PPP2R2C: variants seen among roughly 807,000 people sequenced by gnomAD.
The protein encoded by PPP2R2C is protein phosphatase 2 regulatory subunit Bgamma, also known as protein phosphatase 2, regulatory subunit B, gamma.
PPP2R2C carries 10 observed loss-of-function variants against 45.3 expected under a neutral mutation model. That is an observed-to-expected ratio of 0.22 (90% CI 0.14 to 0.37). The LOEUF (loss-of-function observed/expected upper bound fraction) is 0.37. Ranked by LOEUF, PPP2R2C falls within the 10% of genes least tolerant of loss-of-function variation. The probability of loss-of-function intolerance (pLI) is 1.00; values close to 1 mark genes in which losing one functional copy is unlikely to be tolerated. For missense variants in PPP2R2C, 308 were observed against 619.7 expected (o/e 0.50, Z 5.34); for synonymous variants, 257 against 245.4 (o/e 1.05, Z -0.44).
intron 1 of PPP2R2C, among the ~76,000 whole-genome samples, chr4:6,408,061 T>TGC (rs1366575688): frequency 4.0e-4 from 61 of 152,372 alleles, no homozygotes; most frequent in African/African-American, 1.3e-3. Context: ...TCTTTTTACG[T>TGC]GCATAACCTG....
At chr4:6,390,843 T>C (rs552922040) in intron 1 of PPP2R2C, among the ~76,000 whole-genome samples, 9 of 152,282 alleles carry the variant, frequency 5.9e-5, no homozygotes, top group African/African-American at 2.2e-4. Flanking sequence ...GATCACCTTA[T>C]TACTGAATTC....
rs1370161280 is a variant in PPP2R2C, at chr4:6,328,458, T to C, written c.1052+804A>G. Among the ~76,000 whole-genome samples the C allele has an allele frequency of 1.3e-5, 2 of 152,092 alleles. No homozygotes were observed. The highest frequency in any genetic ancestry group is 4.8e-5 in the African/African-American group (2 of 41,412). ...GAGTAGGCTTGTCCATTTCAGAATC[T>C]TACGCCTGGCAGGACCCTGAGCACA... is the stretch of plus-strand genomic sequence containing the variant. On this transcript the variant is annotated intron_variant, in intron 8 of 8. Transcript: ENST00000382599. The surrounding 1 kb of genome is among the most constrained non-coding windows in gnomAD (Gnocchi z 4.4).
chr4:6,366,154 A>G (rs1162413907), intron 5 of PPP2R2C, among the ~76,000 whole-genome samples: 3 of 152,244 alleles, frequency 2.0e-5, no homozygotes, highest in Admixed American at 2.0e-4. Context: ...CTGGGCTCCA[A>G]TTAGGCACCA....
intron 2 of PPP2R2C, among the ~76,000 whole-genome samples, chr4:6,512,140 A>C (rs1174155543): frequency 8.7e-5 from 1 of 11,446 alleles, no homozygotes; most frequent in Non-Finnish European, 1.6e-4. Flanking sequence ...GGTGGTGATT[A>C]TGGTGGTAGT....
chr4:6,484,018 C>T (rs1463985322), intron 2 of PPP2R2C, among the ~76,000 whole-genome samples: 1 of 152,002 alleles, frequency 6.6e-6, no homozygotes, highest in Non-Finnish European at 1.5e-5. Context: ...TAGCAGAGTT[C>T]TATCATTACA....
At chr4:6,540,790 T>C (rs1724782760) in intron 1 of PPP2R2C, among the ~76,000 whole-genome samples, 1 of 152,204 alleles carries the variant, frequency 6.6e-6, no homozygotes, top group Admixed American at 6.5e-5. Flanking sequence ...TGGGGATACA[T>C]GGGAAGAAAG....
chr4:6,525,261 C>A (rs894981833), intron 2 of PPP2R2C, among the ~76,000 whole-genome samples: 1 of 151,768 alleles, frequency 6.6e-6, no homozygotes. Context: ...AAAAATTAGC[C>A]GGGCATGGTG....
rs368043919 is a variant in PPP2R2C, at chr4:6,335,878, C to T, written c.791-2147G>A. ...CCCCCACCTCTCTTGAGAGCAAGGCCTCCAAACACCTGTCTCTGAAGCAGA... is the reference window on the plus strand; with the variant it reads ...CCCCCACCTCTCTTGAGAGCAAGGCTTCCAAACACCTGTCTCTGAAGCAGA... On this transcript the variant is annotated intron_variant, in intron 6 of 8. Transcript: ENST00000382599. Among the ~76,000 whole-genome samples the T allele has an allele frequency of 2.8e-4, 43 of 152,202 alleles. No homozygotes were observed. The East Asian group carries it at 6.2e-3, about 22-fold the overall frequency.
At chr4:6,472,709 C>T (rs1447667761), upstream of PPP2R2C, among the ~76,000 whole-genome samples, 4 of 151,636 alleles carry the variant, frequency 2.6e-5, no homozygotes, top group African/African-American at 9.7e-5. Flanking sequence ...GGAGCCGGCG[C>T]CCAAGCCGAG....
chr4:6,493,610 A>T (rs1240280721), intron 2 of PPP2R2C, among the ~76,000 whole-genome samples: 1 of 151,056 alleles, frequency 6.6e-6, no homozygotes, highest in African/African-American at 2.4e-5. Context: ...GTGCAAAATG[A>T]AAGATAAATT....
chr4:6,375,888 C>A lies in PPP2R2C; in HGVS notation c.378G>T (p.Arg126Ser), dbSNP rs896915961. The A allele has an allele frequency of 2.5e-6, 4 of 1,614,128 alleles. No individual in the cohort carries two copies. Among genetic ancestry groups the A allele is most frequent in the South Asian group, 1.1e-5 (1 of 91,068 alleles). ...KLWKITERDK[R>S]PEGYNLKDEE... ...CATCCTTCAGGTTGTATCCTTCGGG[C>A]CTTTTATCTCGTTCGGTAATCTTCC... Residue 126 changes from arginine (R) to serine (S), a missense_variant, in exon 4 of 9, where the codon AGG becomes AGT. Transcript: ENST00000382599.
intron 1 of PPP2R2C, among the ~76,000 whole-genome samples, chr4:6,469,430 C>T (rs1187078705): frequency 6.6e-6 from 1 of 152,174 alleles, no homozygotes; most frequent in Non-Finnish European, 1.5e-5. Flanking sequence ...GGAGTTTGTG[C>T]ACCTGGTTCT....
chr4:6,532,688 A>C (rs200382760), intron 2 of PPP2R2C, among the ~76,000 whole-genome samples: 2 of 152,248 alleles, frequency 1.3e-5, no homozygotes, highest in East Asian at 3.8e-4. Context: ...TTAGAAGATG[A>C]AGCAGTGTCT....
In PPP2R2C at chr4:6,438,134, A is replaced by G. The variant is rs536237222; in HGVS notation, c.70+34026T>C. 7.2e-5 allele frequency among the ~76,000 whole-genome samples: 11 copies of G among 152,346 alleles called. No homozygotes were observed. The South Asian group carries it at 2.3e-3, about 32-fold the overall frequency. Reference sequence around the variant, plus strand: ...AATGATAGTCCTGAGTCACAGCCCTATTACAGCAGTATCTGGTCTGCATTT... The same window carrying G: ...AATGATAGTCCTGAGTCACAGCCCTGTTACAGCAGTATCTGGTCTGCATTT... On this transcript the variant is annotated intron_variant, in intron 1 of 8. Transcript: ENST00000382599.
intron 7 of PPP2R2C, among the ~76,000 whole-genome samples, chr4:6,333,258 G>A (rs1043578465): frequency 6.6e-6 from 1 of 152,164 alleles, no homozygotes; most frequent in Admixed American, 6.5e-5. Context: ...ATGCTCCACT[G>A]GGGCCCAGCC....
In PPP2R2C at chr4:6,435,603, G is replaced by T. The variant is rs573638342; in HGVS notation, c.70+36557C>A. ...TATTACTCATCTCTGAATGTGATGA[G>T]TTCTTCCTGAACCATCTATTTATAC... On this transcript the variant is annotated intron_variant, in intron 1 of 8. Coordinates refer to ENST00000382599, the MANE Select transcript of PPP2R2C (RefSeq NM_020416.4). 3.0e-4 allele frequency among the ~76,000 whole-genome samples: 45 copies of T among 152,302 alleles called. No homozygotes were observed. In the South Asian group the frequency reaches 7.9e-3, roughly 27 times the overall value.
At chr4:6,514,798 CAT>C (rs2108808617) in intron 2 of PPP2R2C, among the ~76,000 whole-genome samples, 1 of 152,298 alleles carries the variant, frequency 6.6e-6, no homozygotes, top group Admixed American at 6.5e-5. Flanking sequence ...AATCTGAAAA[CAT>C]AGTGTCAGCA....
At chr4:6,334,998 C>T (rs1732733655) in intron 6 of PPP2R2C, among the ~76,000 whole-genome samples, 1 of 152,212 alleles carries the variant, frequency 6.6e-6, no homozygotes, top group Non-Finnish European at 1.5e-5. Context: ...CTGTACCTGG[C>T]CACTGCCTCT....
chr4:6,525,216 C>A (rs1724159780), intron 2 of PPP2R2C, among the ~76,000 whole-genome samples: 2 of 152,106 alleles, frequency 1.3e-5, no homozygotes, highest in Non-Finnish European at 2.9e-5. Context: ...GCCAGCCTGG[C>A]CAACATGGTG....
Sources: allele counts gnomAD v4.1 joint callset (sites outside exome capture counted in the v4.1 genomes callset), GRCh38; gene constraint gnomAD v4.1.1; non-coding constraint Gnocchi (gnomAD v3.1); transcripts MANE v1.5; gene names NCBI Gene and HGNC (gene_info 2026-07-23, HGNC 2026-07-21).